Variants in CACNA1E observed in about 807,000 individuals in gnomAD.
CACNA1E encodes voltage-dependent R-type calcium channel subunit alpha-1E.
Under a neutral mutation model 259.2 loss-of-function variants are expected in CACNA1E, and 40 were observed. That is an observed-to-expected ratio of 0.15 (90% CI 0.12 to 0.20). The LOEUF is 0.20. Among genes scored for constraint, CACNA1E ranks in the 10% least tolerant of loss-of-function variants. The pLI, the probability that CACNA1E is intolerant of heterozygous loss-of-function variation, is 1.00. For synonymous variants in CACNA1E, 1,104 were observed against 1,138.5 expected (o/e 0.97, Z 0.61); for missense variants, 1,874 against 3,040.1 (o/e 0.62, Z 9.02).
At chr1:181,581,395 C>A (rs1236834603) in intron 6 of CACNA1E, among the ~76,000 whole-genome samples, 1 of 152,172 alleles carries the variant, frequency 6.6e-6, no homozygotes, top group African/African-American at 2.4e-5. Context: ...TTGTGAGATT[C>A]ACCAGGGGTG....
At chr1:181,769,434 C>A (rs1480449464) in intron 35 of CACNA1E, among the ~76,000 whole-genome samples, 1 of 145,208 alleles carries the variant, frequency 6.9e-6, no homozygotes, top group African/African-American at 2.5e-5. Flanking sequence ...TTGTTTTGTT[C>A]TGCTTTTTGG....
intron 46 of CACNA1E, among the ~76,000 whole-genome samples, chr1:181,795,467 G>A (rs1172140169): frequency 6.6e-6 from 1 of 150,626 alleles, no homozygotes; most frequent in Non-Finnish European, 1.5e-5. Flanking sequence ...TTGAGACAGA[G>A]TTTCACTCTG....
At chr1:181,369,487 G>A (rs1184006871) in intron 1 of CACNA1E, among the ~76,000 whole-genome samples, 1 of 152,198 alleles carries the variant, frequency 6.6e-6, no homozygotes, top group Non-Finnish European at 1.5e-5. Context: ...GCTTTCTCTC[G>A]AGTGAATTTG....
At chr1:181,611,442 T>A (rs914933339) in intron 6 of CACNA1E, among the ~76,000 whole-genome samples, 1 of 152,052 alleles carries the variant, frequency 6.6e-6, no homozygotes, top group Non-Finnish European at 1.5e-5. Context: ...TCTGAGTGCT[T>A]ACCTCTAATC....
intron 1 of CACNA1E, among the ~76,000 whole-genome samples, chr1:181,373,620 C>T (rs1654867091): frequency 6.7e-6 from 1 of 149,944 alleles, no homozygotes; most frequent in South Asian, 2.1e-4. Context: ...TCACTGCAAG[C>T]TCCGCCTCCC....
At chr1:181,649,648 A>G (rs1301164824) in intron 6 of CACNA1E, among the ~76,000 whole-genome samples, 2 of 152,256 alleles carry the variant, frequency 1.3e-5, no homozygotes, top group Non-Finnish European at 2.9e-5. Context: ...TGCAATACAT[A>G]TACACCATGG....
chr1:181,486,394 A>C (rs1663821440), intron 1 of CACNA1E, among the ~76,000 whole-genome samples: 1 of 152,250 alleles, frequency 6.6e-6, no homozygotes. Context: ...TGTACAATGT[A>C]ATTGACTAAT....
intron 1 of CACNA1E, among the ~76,000 whole-genome samples, chr1:181,394,159 T>G (rs1656493553): frequency 6.6e-6 from 1 of 152,108 alleles, no homozygotes; most frequent in Admixed American, 6.6e-5. Flanking sequence ...GGAAGAGTGG[T>G]GGGGGAGTTT....
rs1654643446 is a variant in CACNA1E, at chr1:181,370,815, A to G, written c.-14-42318A>G. On this transcript the variant is annotated intron_variant, in intron 1 of 11. Coordinates refer to the CACNA1E transcript ENST00000524607. ...CCCAGTAGTGGGATTGCTGTGTCAA[A>G]TAATTCTGCTCTAAGTTCTTTGAGA... Among the ~76,000 whole-genome samples, 3 of 152,186 alleles carry G rather than the reference A, an allele frequency of 2.0e-5. No individual in the cohort carries two copies. The South Asian group carries it at 6.2e-4, about 32-fold the overall frequency.
intron 8 of CACNA1E, among the ~76,000 whole-genome samples, chr1:181,714,360 G>A (rs1446604048): frequency 4.6e-5 from 7 of 152,156 alleles, no homozygotes; most frequent in African/African-American, 1.2e-4. Context: ...AGAGCTTCAT[G>A]TCCTCTCTGG....
chr1:181,333,816 C>T (rs535279439), intron 1 of CACNA1E, among the ~76,000 whole-genome samples: 21 of 152,148 alleles, frequency 1.4e-4, no homozygotes, highest in South Asian at 1.2e-3. Flanking sequence ...CCACCACGCC[C>T]GGCTAATTTT....
Position 181,799,143 on chromosome 1 carries a change from T to A in CACNA1E, c.*309T>A, listed in dbSNP as rs1274061466. The A allele has an allele frequency of 8.3e-6, 2 of 240,850 alleles. No individual in the cohort carries two copies. The highest frequency in any genetic ancestry group is 1.6e-5 in the Non-Finnish European group (2 of 125,294). 14.9% of individuals were successfully genotyped at this position (240,850 alleles called of 1,614,324 possible). ...GATGGCTTTGCTTCCCCTTGCCCCTTCCCACTTTTCTAAAAGCTGTGGAGG... is the reference window on the plus strand; with the variant it reads ...GATGGCTTTGCTTCCCCTTGCCCCTACCCACTTTTCTAAAAGCTGTGGAGG... On this transcript the variant is annotated 3_prime_UTR_variant, in exon 48 of 48. Transcript: ENST00000367573.
chr1:181,779,819 T>TACACACAC (rs56301632), intron 38 of CACNA1E, among the ~76,000 whole-genome samples: 13,709 of 148,262 alleles, frequency 0.092, 648 homozygotes, highest in South Asian at 0.17. Context: ...TATGCACATG[T>TACACACAC]ACACACACAC....
intron 1 of CACNA1E, among the ~76,000 whole-genome samples, chr1:181,497,332 A>C (rs1046376320): frequency 6.6e-6 from 1 of 152,230 alleles, no homozygotes. Context: ...ACAGCTTTCT[A>C]TACTTCCACT....
At chr1:181,696,655 G>A (rs72733194) in intron 7 of CACNA1E, among the ~76,000 whole-genome samples, 18,456 of 152,134 alleles carry the variant, frequency 0.12, 1,143 homozygotes, top group Admixed American at 0.16. Flanking sequence ...GTGTATGTAT[G>A]CACATGTGTA....
At position 181,757,152 on chromosome 1, in the gene CACNA1E, G is replaced by A. The variant is rs779272204; in HGVS notation, c.4329+26G>A. On this transcript the variant is annotated intron_variant, in intron 30 of 47. Transcript: ENST00000367573. ...GTAATGACAATTGGTCTAAAGTGGG[G>A]AGCAGCAGAGGCTCCAGAAAGGATT... The A allele has an allele frequency of 2.0e-6, 3 of 1,532,550 alleles. No homozygotes were observed. The Admixed American group carries it at 5.0e-5, about 26-fold the overall frequency. 94.9% of individuals were successfully genotyped at this position (1,532,550 alleles called of 1,614,324 possible).
Position 181,776,153 on chromosome 1 carries a change from G to T in CACNA1E, c.5192G>T (p.Arg1731Leu). The T allele has an allele frequency of 6.2e-7, 1 of 1,613,870 alleles. No homozygotes were observed. Among genetic ancestry groups the T allele is most frequent in the East Asian group, 2.2e-5 (1 of 44,880 alleles). The change falls in exon 38 of 48, where the codon CGG (arginine) becomes CTG (leucine). Residue 1731 changes from arginine to leucine, a missense_variant. Arg to Leu is a moderately radical substitution (Grantham distance 102, BLOSUM62 -2). This residue lies in a region of CACNA1E where 147 missense variants were observed against 337.1 expected (regional missense o/e 0.44). Transcript: ENST00000367573. The surrounding 1 kb of genome is among the most constrained non-coding windows in gnomAD (Gnocchi z 4.4). Reference sequence around the variant, plus strand: ...ATGGACAACTTTGAGTACCTGACTCGGGACTCCTCCATCCTGGGGCCTCAC... The same window carrying T: ...ATGGACAACTTTGAGTACCTGACTCTGGACTCCTCCATCCTGGGGCCTCAC... ...VIMDNFEYLT[R>L]DSSILGPHHL...
intron 1 of CACNA1E, among the ~76,000 whole-genome samples, chr1:181,394,117 GGTGT>G (rs139838378): frequency 4.6e-5 from 7 of 152,180 alleles, no homozygotes; most frequent in African/African-American, 1.7e-4. Context: ...ACTCAGTCCA[GGTGT>G]GTGTGGAAGG....
At chr1:181,425,045 G>T (rs1484094457) in intron 2 of CACNA1E, among the ~76,000 whole-genome samples, 1 of 152,172 alleles carries the variant, frequency 6.6e-6, no homozygotes, top group Admixed American at 6.5e-5. Flanking sequence ...GAAAAGCGGC[G>T]CCCTCTAGCG....
Sources: gnomAD v4.1 joint callset for allele counts (sites outside exome capture counted in the v4.1 genomes callset) on GRCh38, gnomAD v4.1.1 for gene constraint, gnomAD v4.1.1 regional missense constraint, Gnocchi (gnomAD v3.1) non-coding constraint, MANE v1.5 for transcripts, NCBI Gene and HGNC (gene_info 2026-07-23, HGNC 2026-07-21) for gene names.